Variants in TTC3 observed in about 807,000 individuals in gnomAD.
TTC3 encodes the protein tetratricopeptide repeat domain 3, also known as E3 ubiquitin-protein ligase TTC3.
TTC3 carries 180 observed loss-of-function variants against 249.6 expected under a neutral mutation model. That is an observed-to-expected ratio of 0.72 (90% confidence interval 0.64 to 0.82). The LOEUF is 0.82. Ranked by LOEUF, TTC3 falls within the 40% of genes least tolerant of loss-of-function variation. TTC3 has a pLI of 0.00. For missense variants in TTC3, 2,061 were observed against 2,398.4 expected (o/e 0.86, Z 2.94); for synonymous variants, 717 against 805.0 (o/e 0.89, Z 1.85).
Position 37,148,535 on chromosome 21 carries a change from T to G in TTC3, c.2017-11T>G. The G allele has an allele frequency of 6.5e-7, 1 of 1,532,916 alleles. No homozygotes were observed. The allele number at this position is 1,532,916 out of a possible 1,614,324, so 95.0% of individuals were successfully genotyped here. On this transcript the variant is annotated splice_polypyrimidine_tract_variant and intron_variant, in intron 22 of 45. Coordinates refer to ENST00000355666, the Ensembl canonical transcript of TTC3. ...TTAAAACGTTAATTAAAAAATTTTT[T>G]GTAACCCTAGGGTTTTATACGCATC...
intron 6 of TTC3, 130 bp from the exon 7 acceptor site, chr21:37,091,163 C>CA: frequency 5.4e-6 from 5 of 931,096 alleles, no homozygotes; most frequent in Non-Finnish European, 8.2e-6. Flanking sequence ...GCCAGAGTAG[C>CA]AAAAAATAAG....
At chr21:37,101,772 C>T (rs1175772655) in intron 10 of TTC3, among the ~76,000 whole-genome samples, 2 of 151,102 alleles carry the variant, frequency 1.3e-5, no homozygotes, top group Non-Finnish European at 1.5e-5. Context: ...CACTGTTGTA[C>T]ATCTTGCTTT....
chr21:37,187,190 T>C, intron 38 of TTC3, 45 bp downstream of exon 38: 2 of 1,415,408 alleles, frequency 1.4e-6, no homozygotes, highest in Admixed American at 2.3e-5. Context: ...TTGTCATTTG[T>C]TTTTGTGTTT....
At chr21:37,160,051 A>G (rs2080551238) in intron 29 of TTC3, among the ~76,000 whole-genome samples, 1 of 152,220 alleles carries the variant, frequency 6.6e-6, no homozygotes, top group African/African-American at 2.4e-5. Context: ...ATAAAAATGA[A>G]AAGTTGTCTT....
At chr21:37,187,189 GT>G (rs750461393) in intron 38 of TTC3, 44 bp downstream of exon 38, 7 of 1,414,658 alleles carry the variant, frequency 4.9e-6, no homozygotes, top group Non-Finnish European at 6.8e-6. Flanking sequence ...TTTGTCATTT[GT>G]TTTTGTGTTT....
chr21:37,136,278 A>C (rs2077929773), intron 18 of TTC3, among the ~76,000 whole-genome samples: 1 of 152,204 alleles, frequency 6.6e-6, no homozygotes. Flanking sequence ...AAAAAACTAG[A>C]ATGATTAAGC....
In TTC3 at chr21:37,126,858, TC is replaced by T. The variant is rs200479499; in HGVS notation, c.1297+716del. On this transcript the variant is annotated intron_variant, in intron 15 of 45. Coordinates refer to ENST00000355666, the Ensembl canonical transcript of TTC3. ...CTCTGGGGTCTCTTTTCTTTTTCTT[TC>T]TTTTTTTTTTTTTGAGACAGATTCT... Among the ~76,000 whole-genome samples the T allele has an allele frequency of 1.5e-3, 220 of 151,476 alleles. 3 individuals carry two copies. Among genetic ancestry groups the T allele is most frequent in the African/African-American group, 4.9e-3 (201 of 41,224 alleles).
In TTC3 at chr21:37,138,712, G is replaced by T. The variant is rs1444116622; in HGVS notation, c.1657G>T (p.Glu553Ter). 2.5e-6 allele frequency: 4 copies of T among 1,603,618 alleles called. No homozygotes were observed. The highest frequency in any genetic ancestry group is 2.6e-6 in the Non-Finnish European group (3 of 1,172,696). ...TTCTCTCCTTGGAATAGGACAGCCTGAGGTAAGATTTGTAACAGTGGTAAT... is the reference window on the plus strand; with the variant it reads ...TTCTCTCCTTGGAATAGGACAGCCTTAGGTAAGATTTGTAACAGTGGTAAT... The change falls in exon 19 of 46, where the codon GAG becomes TAG. Residue 553 changes from glutamate to a stop codon, truncating the protein, a stop_gained and splice_region_variant. Coordinates refer to ENST00000355666, the Ensembl canonical transcript of TTC3. LOFTEE classifies it high-confidence loss of function.
chr21:37,089,473 C>T (rs909101897), intron 5 of TTC3, among the ~76,000 whole-genome samples: 5 of 152,002 alleles, frequency 3.3e-5, no homozygotes, highest in Admixed American at 2.0e-4. Flanking sequence ...AACATACAAA[C>T]CAGTGTACCT....
chr21:37,177,447 C>A (rs28575033), intron 35 of TTC3, among the ~76,000 whole-genome samples: 1 of 152,128 alleles, frequency 6.6e-6, no homozygotes, highest in Non-Finnish European at 1.5e-5. Context: ...CTATGAATGC[C>A]ATCCCTCCAC....
chr21:37,106,623 G>A (rs921550336), intron 10 of TTC3, among the ~76,000 whole-genome samples: 1 of 152,184 alleles, frequency 6.6e-6, no homozygotes, highest in African/African-American at 2.4e-5. Context: ...GGTGGCTCAT[G>A]CCTGTATTCC....
In TTC3 at chr21:37,167,635, C is replaced by T. The variant is rs116988557; in HGVS notation, c.4467+15C>T. 0.013 allele frequency: 20,337 copies of T among 1,596,288 alleles called. 164 individuals are homozygous for T. Among genetic ancestry groups the T allele is most frequent in the Non-Finnish European group, 0.016 (18,499 of 1,166,580 alleles). ...AGGAACGACAAGTGAGTCAAAATTA[C>T]ATTAAACTGTTTAAAGGTTTAGTTT... is the stretch of plus-strand genomic sequence containing the variant. On this transcript the variant is annotated intron_variant, in intron 34 of 45. Coordinates refer to ENST00000355666, the Ensembl canonical transcript of TTC3.
At chr21:37,085,367 A>T (rs541724896) in intron 1 of TTC3, among the ~76,000 whole-genome samples, 1 of 152,362 alleles carries the variant, frequency 6.6e-6, no homozygotes, top group East Asian at 1.9e-4. Context: ...GGTTCTAGAC[A>T]TTATAGATAA....
intron 16 of TTC3, among the ~76,000 whole-genome samples, chr21:37,131,573 A>G (rs1373881895): frequency 6.6e-6 from 1 of 151,906 alleles, no homozygotes; most frequent in Non-Finnish European, 1.5e-5. Context: ...CTTGAGTTCC[A>G]TTGTTTTTCT....
chr21:37,091,513 T>TA (rs1210472207), intron 7 of TTC3, 100 bp downstream of exon 7: 4 of 1,029,702 alleles, frequency 3.9e-6, no homozygotes, highest in Non-Finnish European at 5.1e-6. Context: ...TCTTAGAATT[T>TA]AAAAAAAGTT....
chr21:37,073,414 C>T, intron 1 of TTC3: 2 of 986,766 alleles, frequency 2.0e-6, no homozygotes, highest in Non-Finnish European at 2.4e-6. Flanking sequence ...GTCACCTTGT[C>T]CCGCTGCAGC....
chr21:37,111,276 C>G (rs942736052), intron 11 of TTC3, among the ~76,000 whole-genome samples: 1 of 152,134 alleles, frequency 6.6e-6, no homozygotes, highest in Non-Finnish European at 1.5e-5. Context: ...GATAAAGAGT[C>G]AAGACCGATC....
chr21:37,178,770 G>A (rs2082485853), intron 35 of TTC3, among the ~76,000 whole-genome samples: 1 of 152,016 alleles, frequency 6.6e-6, no homozygotes, highest in Admixed American at 6.6e-5. Flanking sequence ...AACCAGCCTG[G>A]GCAACATGGC....
intron 35 of TTC3, among the ~76,000 whole-genome samples, chr21:37,173,247 A>G (rs535412935): frequency 6.6e-6 from 1 of 152,332 alleles, no homozygotes; most frequent in Non-Finnish European, 1.5e-5. Context: ...ATTAATACTT[A>G]TAAAGTACTT....
Sources: gnomAD v4.1 joint callset for allele counts (sites outside exome capture counted in the v4.1 genomes callset) on GRCh38, gnomAD v4.1.1 for gene constraint, MANE v1.5 for transcripts, NCBI Gene and HGNC (gene_info 2026-07-23, HGNC 2026-07-21) for gene names.